The following CRY2 variants were observed in gnomAD, a reference collection of about 807,000 sequenced individuals.
The protein encoded by CRY2 is cryptochrome-2.
CRY2 carries 31 observed loss-of-function variants against 69.5 expected under a neutral mutation model. That is an observed-to-expected ratio of 0.45 (90% CI 0.34 to 0.60). CRY2 has a LOEUF of 0.60. Ranked by LOEUF, CRY2 falls within the 20% of genes least tolerant of loss-of-function variation. The pLI, the probability that CRY2 is intolerant of heterozygous loss-of-function variation, is 0.02. For synonymous variants in CRY2, 303 were observed against 312.2 expected, an observed-to-expected ratio of 0.97 and a Z score of 0.31; for missense variants, 606 against 797.8, an observed-to-expected ratio of 0.76 and a Z score of 2.90.
At position 45,882,903 on chromosome 11, in the gene CRY2, A is replaced by C. The variant is rs1278476131; in HGVS notation, c.*1992A>C. ...CAGGTTGGCAGGACCACCTCCGCCT[A>C]CTTCTCCACCATCCCTAGCATGTCA... On this transcript the variant is annotated 3_prime_UTR_variant, in exon 12 of 12. Coordinates refer to ENST00000616080, the MANE Select transcript of CRY2 (RefSeq NM_021117.5). 2 of 394,498 alleles carry C rather than the reference A, an allele frequency of 5.1e-6. No individual in the cohort carries two copies. The highest frequency in any genetic ancestry group is 4.1e-5 in the African/African-American group (2 of 48,546). 24.4% of individuals were successfully genotyped at this position (394,498 alleles called of 1,614,324 possible).
intron 4 of CRY2, 101 bp from the exon 5 acceptor site, chr11:45,861,959 C>A (rs1421602321): frequency 9.0e-6 from 9 of 1,001,854 alleles, no homozygotes; most frequent in Non-Finnish European, 1.4e-5. Context: ...CACCGAGACA[C>A]TGTGGTTCAA....
At chr11:45,866,727 G>A (rs139940096) in intron 5 of CRY2, among the ~76,000 whole-genome samples, 20 of 152,304 alleles carry the variant, frequency 1.3e-4, no homozygotes, top group African/African-American at 3.6e-4. Context: ...TCAGGAGGCT[G>A]AAGAGAGTCA....
chr11:45,875,242 T>C (rs553197981), intron 11 of CRY2, among the ~76,000 whole-genome samples: 1 of 152,364 alleles, frequency 6.6e-6, no homozygotes, highest in South Asian at 2.1e-4. Context: ...TCATGAGTGC[T>C]TGGTAAGCAG....
intron 4 of CRY2, chr11:45,861,272 C>A: frequency 2.0e-6 from 1 of 489,436 alleles, no homozygotes; most frequent in Non-Finnish European, 3.6e-6. Context: ...GGTTCTAGAT[C>A]ATGCCTCTAT....
intron 3 of CRY2, among the ~76,000 whole-genome samples, chr11:45,859,631 G>C (rs561890501): frequency 6.6e-6 from 1 of 151,972 alleles, no homozygotes; most frequent in Admixed American, 6.5e-5. Flanking sequence ...GCTTGGTGGC[G>C]GGGAGGGCTC....
Position 45,860,836 on chromosome 11 carries a change from TG to T in CRY2, c.468-9del. The T allele has an allele frequency of 6.2e-7, 1 of 1,613,174 alleles. No individual in the cohort carries two copies. Among genetic ancestry groups the T allele is most frequent in the East Asian group, 2.2e-5 (1 of 44,838 alleles). The stretch of plus-strand genomic sequence containing the variant: ...CATGTGGGTAACACTAGCTATGCTT[TG>T]GGCTCCCCAGGATCATTGAGCTGAA... On this transcript the variant is annotated splice_polypyrimidine_tract_variant and intron_variant, in intron 3 of 11. Transcript: ENST00000616080.
chr11:45,852,452 G>A (rs956657321), intron 1 of CRY2, among the ~76,000 whole-genome samples: 13 of 152,234 alleles, frequency 8.5e-5, no homozygotes, highest in Non-Finnish European at 1.9e-4. Flanking sequence ...TGCTCCAAAT[G>A]TGAGGGACAG....
intron 5 of CRY2, among the ~76,000 whole-genome samples, chr11:45,862,660 T>C (rs1005351223): frequency 3.9e-5 from 6 of 152,198 alleles, no homozygotes; most frequent in Admixed American, 1.3e-4. Context: ...GTGGGCAGGT[T>C]CCCCCTACTA....
intron 10 of CRY2, among the ~76,000 whole-genome samples, chr11:45,871,223 A>T (rs1249028473): frequency 6.6e-6 from 1 of 152,248 alleles, no homozygotes; most frequent in African/African-American, 2.4e-5. Flanking sequence ...CGTCATGAGC[A>T]GGAGCCAGCC....
intron 5 of CRY2, among the ~76,000 whole-genome samples, chr11:45,866,414 C>G (rs2086330916): frequency 6.6e-6 from 1 of 152,150 alleles, no homozygotes; most frequent in East Asian, 1.9e-4. Flanking sequence ...GATGAAAGAC[C>G]AAGAGCGCCA....
chr11:45,868,134 C>A (rs1053950410), intron 6 of CRY2, among the ~76,000 whole-genome samples: 2 of 152,162 alleles, frequency 1.3e-5, no homozygotes, highest in Non-Finnish European at 2.9e-5. Context: ...CATAGCTGCC[C>A]GCTCTGGAGC....
At chr11:45,866,980 A>T (rs560108253) in intron 5 of CRY2, among the ~76,000 whole-genome samples, 83 of 152,256 alleles carry the variant, frequency 5.5e-4, no homozygotes, top group Non-Finnish European at 9.3e-4. Context: ...AATAAATAAA[A>T]AAAGTCGTGA....
chr11:45,871,023 C>A, intron 10 of CRY2, 89 bp downstream of exon 10: 1 of 1,084,316 alleles, frequency 9.2e-7, no homozygotes, highest in Non-Finnish European at 1.3e-6. Context: ...GGAGGCCTTG[C>A]CCAGTGGAGC....
At chr11:45,861,527 C>T (rs1005350436) in intron 4 of CRY2, 7 of 166,008 alleles carry the variant, frequency 4.2e-5, no homozygotes, top group Non-Finnish European at 7.7e-5. Flanking sequence ...CTGCAACCTC[C>T]ACCTCCCGGG....
At chr11:45,847,756 TG>T in intron 1 of CRY2, 51 bp downstream of exon 1, 1 of 1,495,744 alleles carries the variant, frequency 6.7e-7, no homozygotes, top group African/African-American at 1.4e-5. Flanking sequence ...ACCCTGACCC[TG>T]GGGTGACCGG....
intron 1 of CRY2, among the ~76,000 whole-genome samples, chr11:45,851,435 G>C (rs1177561004): frequency 6.6e-6 from 1 of 152,164 alleles, no homozygotes; most frequent in Non-Finnish European, 1.5e-5. Flanking sequence ...TCTCTTCCCA[G>C]ATGCTGAGAG....
chr11:45,854,460 G>C (rs1177721811), intron 1 of CRY2, among the ~76,000 whole-genome samples: 1 of 152,188 alleles, frequency 6.6e-6, no homozygotes, highest in Non-Finnish European at 1.5e-5. Context: ...GAGGAGGGCG[G>C]ATCACTTGAG....
In CRY2 at chr11:45,859,355, G is replaced by A. The variant is rs182459191; in HGVS notation, c.467+482G>A. On this transcript the variant is annotated intron_variant, in intron 3 of 11. Coordinates refer to ENST00000616080, the MANE Select transcript of CRY2 (RefSeq NM_021117.5). Reference sequence around the variant, plus strand: ...TTGAGAGGATCACATGAGTCCATGAGTTCAAGATCAGCCTGGGCAACATAG... The same window carrying A: ...TTGAGAGGATCACATGAGTCCATGAATTCAAGATCAGCCTGGGCAACATAG... 3.6e-3 allele frequency among the ~76,000 whole-genome samples: 444 copies of A among 124,656 alleles called. 4 individuals are homozygous for A. Among genetic ancestry groups the A allele is most frequent in the African/African-American group, 0.011 (416 of 38,292 alleles). The allele number at this position is 124,656 out of a possible 152,430, so 81.8% of individuals were successfully genotyped here. A position where few individuals can be genotyped will look rare whatever the true frequency, so the allele number is the denominator to read the frequency against.
chr11:45,862,303 C>G (rs571705469), intron 5 of CRY2, among the ~76,000 whole-genome samples, 155 bp downstream of exon 5: 1 of 152,340 alleles, frequency 6.6e-6, no homozygotes, highest in East Asian at 1.9e-4. Context: ...AACAGCAACA[C>G]TAACAGCAAC....
Sources: gnomAD v4.1 joint callset for allele counts (sites outside exome capture counted in the v4.1 genomes callset) on GRCh38, gnomAD v4.1.1 for gene constraint, MANE v1.5 for transcripts, NCBI Gene and HGNC (gene_info 2026-07-23, HGNC 2026-07-21) for gene names.